Variants in KPNA3 observed in about 807,000 individuals in gnomAD.
The protein encoded by KPNA3 is karyopherin subunit alpha 3, also known as importin subunit alpha-4.
In KPNA3, 13 loss-of-function variants were observed where a neutral mutation model predicts 73.8. The observed-to-expected ratio is 0.18, with a 90% CI of 0.11 to 0.28. KPNA3 has a LOEUF of 0.28. Ranked by LOEUF, KPNA3 falls within the 10% of genes least tolerant of loss-of-function variation. The pLI is 1.00. For synonymous variants in KPNA3, 186 were observed against 206.9 expected, an observed-to-expected ratio of 0.90 and a Z score of 0.87; for missense variants, 360 against 618.1, an observed-to-expected ratio of 0.58 and a Z score of 4.43.
chr13:49,711,606 C>A (rs960798983), intron 10 of KPNA3, among the ~76,000 whole-genome samples: 3 of 152,286 alleles, frequency 2.0e-5, no homozygotes, highest in Non-Finnish European at 4.4e-5. Context: ...AAACCATGCC[C>A]TAGGCCTATC....
intron 1 of KPNA3, among the ~76,000 whole-genome samples, chr13:49,761,543 C>T (rs1237933613): frequency 2.0e-5 from 3 of 152,264 alleles, no homozygotes; most frequent in Non-Finnish European, 4.4e-5. Context: ...ACTCAGTGCT[C>T]AATGTTGCCC....
intron 15 of KPNA3, among the ~76,000 whole-genome samples, chr13:49,704,425 AATAAATAAAAAATAAAT>A (rs1954182685): frequency 2.0e-5 from 2 of 99,844 alleles, no homozygotes; most frequent in African/African-American, 3.3e-5. Context: ...AAAAAAAATA[AATAAATAAAAAATAAAT>A]AAATAAATAA....
At chr13:49,722,599 C>T in intron 7 of KPNA3, 36 bp from the exon 8 acceptor site, 1 of 1,303,918 alleles carries the variant, frequency 7.7e-7, no homozygotes, top group African/African-American at 1.5e-5. Flanking sequence ...ATACTAGCAA[C>T]ATGTTGAAGA....
intron 1 of KPNA3, among the ~76,000 whole-genome samples, chr13:49,769,694 T>G (rs1356189905): frequency 1.3e-5 from 2 of 152,234 alleles, no homozygotes; most frequent in African/African-American, 4.8e-5. Context: ...CAAGGACATT[T>G]GGGTTGTTTC....
At chr13:49,726,733 A>G (rs1228554753) in intron 6 of KPNA3, among the ~76,000 whole-genome samples, 1 of 151,668 alleles carries the variant, frequency 6.6e-6, no homozygotes, top group Non-Finnish European at 1.5e-5. Flanking sequence ...GCTTGAGCCA[A>G]AAAGTTCGAA....
At chr13:49,726,903 T>C (rs1478089902) in intron 6 of KPNA3, among the ~76,000 whole-genome samples, 1 of 151,932 alleles carries the variant, frequency 6.6e-6, no homozygotes. Context: ...CAATGAGCTG[T>C]GATTGTGTCA....
chr13:49,728,407 A>G (rs1954431363), intron 6 of KPNA3, among the ~76,000 whole-genome samples: 1 of 152,222 alleles, frequency 6.6e-6, no homozygotes, highest in Non-Finnish European at 1.5e-5. Context: ...GGTTCAGCTT[A>G]CAAAATTATG....
chr13:49,770,869 C>T (rs1472481675), intron 1 of KPNA3, among the ~76,000 whole-genome samples: 1 of 150,882 alleles, frequency 6.6e-6, no homozygotes, highest in Non-Finnish European at 1.5e-5. Context: ...AAAAAACCCC[C>T]GAAAATATAA....
chr13:49,754,342 C>A (rs538606654), intron 1 of KPNA3, among the ~76,000 whole-genome samples: 6 of 152,030 alleles, frequency 3.9e-5, no homozygotes, highest in African/African-American at 1.4e-4. Flanking sequence ...GTATTGATTG[C>A]CTTATTAACT....
chr13:49,792,055 G>A (rs1166452026), intron 1 of KPNA3, among the ~76,000 whole-genome samples: 3 of 152,166 alleles, frequency 2.0e-5, no homozygotes, highest in African/African-American at 4.8e-5. Flanking sequence ...CACCGGTGGC[G>A]GGCGCAAGCA....
chr13:49,744,535 T>G (rs113525415), intron 2 of KPNA3, among the ~76,000 whole-genome samples: 1 of 152,218 alleles, frequency 6.6e-6, no homozygotes, highest in Non-Finnish European at 1.5e-5. Flanking sequence ...AAAATGATCT[T>G]CCTTGTTAAT....
At chr13:49,780,565 A>C (rs1954933022) in intron 1 of KPNA3, among the ~76,000 whole-genome samples, 1 of 151,996 alleles carries the variant, frequency 6.6e-6, no homozygotes, top group South Asian at 2.1e-4. Flanking sequence ...TCACCAATCC[A>C]TCCCCTATGG....
rs574459115 is a variant in KPNA3, at chr13:49,726,668, T to C, written c.384-1167A>G. On this transcript the variant is annotated intron_variant, in intron 6 of 16. Transcript: ENST00000261667. Reference sequence around the variant, plus strand: ...TATAGGAGAGACCTATTAAAAGACATGTTGGGGCTTACACCTGTAGTCCCA... The same window carrying C: ...TATAGGAGAGACCTATTAAAAGACACGTTGGGGCTTACACCTGTAGTCCCA... 6.6e-5 allele frequency among the ~76,000 whole-genome samples: 10 copies of C among 152,288 alleles called. No homozygotes were observed. The South Asian group carries it at 1.2e-3, about 19-fold the overall frequency.
intron 1 of KPNA3, among the ~76,000 whole-genome samples, chr13:49,753,634 G>T (rs1365863875): frequency 6.6e-6 from 1 of 152,226 alleles, no homozygotes; most frequent in Non-Finnish European, 1.5e-5. Flanking sequence ...AGCCTGTTAG[G>T]AGCCAGGCTG....
chr13:49,748,382 C>T (rs542878907), intron 1 of KPNA3, among the ~76,000 whole-genome samples: 1 of 152,008 alleles, frequency 6.6e-6, no homozygotes, highest in South Asian at 2.1e-4. Context: ...TAATATATAT[C>T]TCCCCTCTAA....
At chr13:49,725,233 C>T (rs1954398440) in intron 7 of KPNA3, among the ~76,000 whole-genome samples, 183 bp downstream of exon 7, 1 of 152,098 alleles carries the variant, frequency 6.6e-6, no homozygotes, top group South Asian at 2.1e-4. Context: ...CTTTTAATAA[C>T]CACAATTAAA....
chr13:49,729,476 C>T (rs901605125), intron 6 of KPNA3, among the ~76,000 whole-genome samples: 5 of 152,172 alleles, frequency 3.3e-5, no homozygotes, highest in South Asian at 2.1e-4. Context: ...ATAGAAAAAA[C>T]GAGTGCAATA....
intron 2 of KPNA3, among the ~76,000 whole-genome samples, chr13:49,746,064 GAAAAAAAA>G (rs398022733): frequency 7.2e-5 from 6 of 83,086 alleles, no homozygotes; most frequent in Admixed American, 4.1e-4. Flanking sequence ...CTCTGCATCA[GAAAAAAAA>G]AAAAAAAAAA....
intron 1 of KPNA3, among the ~76,000 whole-genome samples, chr13:49,765,102 C>T (rs545409770): frequency 6.6e-6 from 1 of 152,354 alleles, no homozygotes; most frequent in South Asian, 2.1e-4. Context: ...AGTTACTCTA[C>T]AAACCCTTTC....
Sources: allele counts gnomAD v4.1 joint callset (sites outside exome capture counted in the v4.1 genomes callset), GRCh38; gene constraint gnomAD v4.1.1; transcripts MANE v1.5; gene names NCBI Gene and HGNC (gene_info 2026-07-23, HGNC 2026-07-21).